The following POU2F1 variants were observed in gnomAD, a reference collection of about 807,000 sequenced individuals.
POU2F1 encodes the protein POU domain, class 2, transcription factor 1.
A neutral mutation model predicts 84.9 loss-of-function variants in POU2F1; 16 were observed. The ratio of observed to expected loss-of-function variants is 0.19; its 90% CI spans 0.13 to 0.29. The LOEUF is 0.29. Among genes scored for constraint, POU2F1 ranks in the 10% least tolerant of loss-of-function variants. The pLI, the probability that POU2F1 is intolerant of heterozygous loss-of-function variation, is 1.00. For missense variants in POU2F1, 738 were observed against 942.6 expected (o/e 0.78, Z 2.84); for synonymous variants, 368 against 368.3 (o/e 1.00, Z 0.01).
At chr1:167,321,629 A>G (rs1393840572) in intron 1 of POU2F1, among the ~76,000 whole-genome samples, 5 of 152,188 alleles carry the variant, frequency 3.3e-5, no homozygotes, top group African/African-American at 1.2e-4. Flanking sequence ...GTTTCTCTTT[A>G]CTTAGCAGCC....
intron 1 of POU2F1, among the ~76,000 whole-genome samples, chr1:167,232,466 A>C (rs994949580): frequency 6.6e-6 from 1 of 152,260 alleles, no homozygotes; most frequent in Non-Finnish European, 1.5e-5. Flanking sequence ...AAGGATATAA[A>C]GAAAAATTTT....
chr1:167,284,256 C>T (rs1312654021), intron 1 of POU2F1, among the ~76,000 whole-genome samples: 1 of 152,070 alleles, frequency 6.6e-6, no homozygotes, highest in African/African-American at 2.4e-5. Context: ...CTGAAAAGGA[C>T]CATAAAGAGT....
At chr1:167,290,520 A>G (rs1319558260) in intron 1 of POU2F1, among the ~76,000 whole-genome samples, 1 of 152,230 alleles carries the variant, frequency 6.6e-6, no homozygotes, top group Non-Finnish European at 1.5e-5. Flanking sequence ...CAGATTCTAT[A>G]TGTCTGTCCT....
chr1:167,376,466 T>C (rs935038698), intron 7 of POU2F1: 1 of 222,018 alleles, frequency 4.5e-6, no homozygotes, highest in Non-Finnish European at 8.8e-6. Flanking sequence ...TGCTAGTGTT[T>C]TGATTGTTTT....
In POU2F1 at chr1:167,358,737, T is replaced by TTTTTTG. The variant is rs71097670; in HGVS notation, c.128-6730_128-6729insTTTTTG. Among the ~76,000 whole-genome samples, 26 of 88,828 alleles carry TTTTTTG rather than the reference T, an allele frequency of 2.9e-4. 4 individuals are homozygous for TTTTTTG. Among genetic ancestry groups the TTTTTTG allele is most frequent in the African/African-American group, 4.7e-4 (13 of 27,438 alleles). 58.3% of individuals were successfully genotyped at this position (88,828 alleles called of 152,430 possible). Reference sequence around the variant, plus strand: ...GCAGCTTTTTTTTTTTTTTTTTTTTTGAGACAGGTTCTGACTGTGCTGCTC... The same window carrying TTTTTTG: ...GCAGCTTTTTTTTTTTTTTTTTTTTTTTTTTGGAGACAGGTTCTGACTGTGCTGCTC... On this transcript the variant is annotated intron_variant, in intron 2 of 15. Coordinates refer to ENST00000367866, the MANE Select transcript of POU2F1 (RefSeq NM_002697.4).
At chr1:167,336,287 G>A (rs911963576) in intron 2 of POU2F1, among the ~76,000 whole-genome samples, 1 of 152,128 alleles carries the variant, frequency 6.6e-6, no homozygotes, top group African/African-American at 2.4e-5. Flanking sequence ...ACCACCTCTT[G>A]TTGCTATTGC....
intron 13 of POU2F1, among the ~76,000 whole-genome samples, chr1:167,405,828 C>T (rs982751610): frequency 6.6e-6 from 1 of 152,150 alleles, no homozygotes; most frequent in African/African-American, 2.4e-5. Context: ...ACATCCATCT[C>T]CCAGGATACT....
At chr1:167,393,372 G>A (rs1648564974) in intron 9 of POU2F1, among the ~76,000 whole-genome samples, 1 of 152,138 alleles carries the variant, frequency 6.6e-6, no homozygotes, top group African/African-American at 2.4e-5. Context: ...AAATGATAAA[G>A]TGAGTTTATT....
intron 1 of POU2F1, among the ~76,000 whole-genome samples, chr1:167,283,083 G>C (rs112227101): frequency 3.3e-5 from 5 of 152,322 alleles, no homozygotes; most frequent in African/African-American, 1.2e-4. Flanking sequence ...TCATAGGACA[G>C]ATTATTTGAT....
At chr1:167,336,609 G>T (rs1484441574) in intron 2 of POU2F1, among the ~76,000 whole-genome samples, 1 of 152,018 alleles carries the variant, frequency 6.6e-6, no homozygotes, top group African/African-American at 2.4e-5. Flanking sequence ...TCCATTTCAA[G>T]ATAAATAAAT....
chr1:167,399,404 AT>A, intron 12 of POU2F1, 39 bp downstream of exon 12: 3 of 1,533,814 alleles, frequency 2.0e-6, no homozygotes, highest in South Asian at 2.5e-5. Context: ...TCAAGGGCTA[AT>A]TTTTGCAATT....
chr1:167,251,968 C>A (rs1210440996), intron 1 of POU2F1, among the ~76,000 whole-genome samples: 1 of 151,272 alleles, frequency 6.6e-6, no homozygotes, highest in Non-Finnish European at 1.5e-5. Flanking sequence ...CCTCAGCCTC[C>A]CGAGTAGCTG....
At chr1:167,350,814 C>G (rs1295764423) in intron 2 of POU2F1, among the ~76,000 whole-genome samples, 1 of 151,906 alleles carries the variant, frequency 6.6e-6, no homozygotes, top group Admixed American at 6.6e-5. Flanking sequence ...GCCTGACCAA[C>G]ATGGAGAAAC....
At chr1:167,328,607 C>T (rs1002899393) in intron 1 of POU2F1, among the ~76,000 whole-genome samples, 1 of 152,152 alleles carries the variant, frequency 6.6e-6, no homozygotes, top group Admixed American at 6.5e-5. Context: ...ATTTCAGTGG[C>T]ATTTTAACAG....
chr1:167,377,018 T>TA (rs776683483), intron 7 of POU2F1, among the ~76,000 whole-genome samples: 43 of 152,234 alleles, frequency 2.8e-4, no homozygotes, highest in Non-Finnish European at 5.6e-4. Flanking sequence ...TTTGGGAAAA[T>TA]ACATTCATAG....
At chr1:167,294,314 A>T (rs943235854) in intron 1 of POU2F1, among the ~76,000 whole-genome samples, 1 of 151,918 alleles carries the variant, frequency 6.6e-6, no homozygotes, top group Admixed American at 6.6e-5. Context: ...ATGCCACTGC[A>T]CTCCAGCCTG....
intron 1 of POU2F1, among the ~76,000 whole-genome samples, chr1:167,287,748 C>G (rs1653633632): frequency 6.6e-6 from 1 of 152,154 alleles, no homozygotes; most frequent in African/African-American, 2.4e-5. Flanking sequence ...TAAATACATA[C>G]TGGCTGAGAT....
intron 1 of POU2F1, among the ~76,000 whole-genome samples, chr1:167,236,531 G>A (rs1442369134): frequency 1.3e-5 from 2 of 152,094 alleles, no homozygotes; most frequent in African/African-American, 4.8e-5. Flanking sequence ...CAGAATACTT[G>A]TAGTTTTCCT....
At chr1:167,317,934 C>T (rs1184660217) in intron 1 of POU2F1, among the ~76,000 whole-genome samples, 2 of 152,200 alleles carry the variant, frequency 1.3e-5, no homozygotes, top group Non-Finnish European at 2.9e-5. Flanking sequence ...GGATCTGCAT[C>T]TGCAGACTAT....
Sources: allele counts gnomAD v4.1 joint callset (sites outside exome capture counted in the v4.1 genomes callset), GRCh38; gene constraint gnomAD v4.1.1; transcripts MANE v1.5; gene names NCBI Gene and HGNC (gene_info 2026-07-23, HGNC 2026-07-21).